CLCC1: variants seen among roughly 807,000 people sequenced by gnomAD.
CLCC1 encodes chloride channel CLIC like 1.
A neutral mutation model predicts 63.3 loss-of-function variants in CLCC1; 39 were observed. That is an observed-to-expected ratio of 0.62 (90% CI 0.48 to 0.81). The LOEUF (loss-of-function observed/expected upper bound fraction) is 0.81, where lower values mean the gene tolerates loss of function less well. CLCC1 is among the 30% of genes least tolerant of loss of function. The probability of loss-of-function intolerance (pLI) is 0.00; values close to 1 mark genes in which losing one functional copy is unlikely to be tolerated. For synonymous variants in CLCC1, 217 were observed against 239.8 expected (o/e 0.90, Z 0.88); for missense variants, 549 against 669.4 (o/e 0.82, Z 1.98).
At chr1:108,939,129 T>C (rs981322219) in intron 10 of CLCC1, among the ~76,000 whole-genome samples, 3 of 148,696 alleles carry the variant, frequency 2.0e-5, no homozygotes, top group African/African-American at 7.4e-5. Context: ...CTAACCAGTA[T>C]TACTAATATT....
chr1:108,941,277 G>T, intron 8 of CLCC1, 128 bp downstream of exon 8: 2 of 819,762 alleles, frequency 2.4e-6, no homozygotes, highest in Non-Finnish European at 3.9e-6. Context: ...AATGCTTCTT[G>T]CATGTTCTTC....
Position 108,929,875 on chromosome 1 carries a change from G to C in CLCC1, c.*2672C>G. The stretch of plus-strand genomic sequence containing the variant: ...CAGAGACACTGACTTTGGGCTAAAG[G>C]ACTTTTTGCAAAATAATGCTTTGTT... On this transcript the variant is annotated 3_prime_UTR_variant, in exon 13 of 13. Coordinates refer to ENST00000369969, the MANE Select transcript of CLCC1 (RefSeq NM_001377458.1). The C allele has an allele frequency of 6.2e-7, 1 of 1,613,750 alleles. No individual in the cohort carries two copies. The highest frequency in any genetic ancestry group is 8.5e-7 in the Non-Finnish European group (1 of 1,179,688).
In CLCC1 at chr1:108,949,885, G is replaced by T. The variant is rs1654978639; in HGVS notation, c.166C>A (p.Pro56Thr). The change falls in exon 4 of 13, where the codon CCT (proline) becomes ACT (threonine). Residue 56 changes from proline to threonine, a missense_variant. By Grantham distance (38) the Pro-to-Thr change is conservative. Transcript: ENST00000369969. Reference protein sequence around the residue: ...YGISGEKDVSPDLSCADEISE... With the variant: ...YGISGEKDVSTDLSCADEISE... ...ATTTCATCAGCACATGACAAGTCAGGACTGACATCCTTTTCCCCTGAAATA... is the reference window on the plus strand; with the variant it reads ...ATTTCATCAGCACATGACAAGTCAGTACTGACATCCTTTTCCCCTGAAATA... 1.2e-6 allele frequency: 2 copies of T among 1,602,260 alleles called. No homozygotes were observed. Among genetic ancestry groups the T allele is most frequent in the African/African-American group, 2.7e-5 (2 of 74,572 alleles).
chr1:108,937,190 T>C lies in CLCC1; in HGVS notation c.1270A>G (p.Arg424Gly), dbSNP rs768507868. The C allele has an allele frequency of 6.3e-7, 1 of 1,598,664 alleles. No homozygotes were observed. The highest frequency in any genetic ancestry group is 1.1e-5 in the South Asian group (1 of 88,982). The change falls in exon 11 of 13, where the codon AGA becomes GGA. Residue 424 changes from arginine to glycine, a missense_variant. By Grantham distance (125) the Arg-to-Gly change is moderately radical. Transcript: ENST00000369969. ...AATCTCAAGTCAACATCTCTCTCTC[T>C]CAAAATCTCTCTTCTACCCTCATAC... Reference protein sequence around the residue: ...KTYEGRREILRERDVDLRFQT... With the variant: ...KTYEGRREILGERDVDLRFQT...
intron 11 of CLCC1, 70 bp downstream of exon 11, chr1:108,937,007 T>A: frequency 8.8e-7 from 1 of 1,133,210 alleles, no homozygotes; most frequent in Non-Finnish European, 1.2e-6. Flanking sequence ...GTAAAAACAA[T>A]CAGACCTCTT....
At chr1:108,949,383 A>C (rs1654918933) in intron 4 of CLCC1, among the ~76,000 whole-genome samples, 1 of 152,226 alleles carries the variant, frequency 6.6e-6, no homozygotes, top group South Asian at 2.1e-4. Context: ...TAAATGAAGG[A>C]ATGAATAGCT....
intron 11 of CLCC1, among the ~76,000 whole-genome samples, chr1:108,936,480 C>T (rs1653020846): frequency 6.6e-6 from 1 of 152,220 alleles, no homozygotes; most frequent in Non-Finnish European, 1.5e-5. Flanking sequence ...CTATTATGCT[C>T]ATAACTGTTT....
rs754410928 is a variant in CLCC1, at chr1:108,934,939, T to C, written c.1387A>G (p.Lys463Glu). Residue 463 changes from lysine to glutamate, a missense_variant, in exon 12 of 13, where the codon AAA (lysine) becomes GAA (glutamate). Physicochemically the swap from Lys to Glu is moderately conservative, Grantham distance 56. Coordinates refer to ENST00000369969, the MANE Select transcript of CLCC1 (RefSeq NM_001377458.1). Reference sequence around the variant, plus strand: ...GGCTTTGTATCCAAAACAGGTGATTTATGCTATAAAGTACAAAATTACATT... The same window carrying C: ...GGCTTTGTATCCAAAACAGGTGATTCATGCTATAAAGTACAAAATTACATT... ...REHPTVVPSH[K>E]SPVLDTKPKE... 3 of 1,602,952 alleles carry C rather than the reference T, an allele frequency of 1.9e-6. No homozygotes were observed. Among genetic ancestry groups the C allele is most frequent in the Non-Finnish European group, 2.6e-6 (3 of 1,173,262 alleles).
rs990533610 is a variant in CLCC1 at position 108,943,887 on chromosome 1, C to T, written c.510G>A (p.Trp170Ter). 4.3e-6 allele frequency: 7 copies of T among 1,613,814 alleles called. No homozygotes were observed. The highest frequency in any genetic ancestry group is 5.9e-6 in the Non-Finnish European group (7 of 1,179,878). ...CAAAGGAATCTTCGAATCGCCACTTCCATGTTTCAAAATCATGAAACTTAA... is the reference window on the plus strand; with the variant it reads ...CAAAGGAATCTTCGAATCGCCACTTTCATGTTTCAAAATCATGAAACTTAA... ...INFKFHDFET[W>*]KWRFEDSFGV... Residue 170 changes from tryptophan to a stop codon, truncating the protein, a stop_gained, in exon 6 of 13, where the codon TGG becomes TGA. Transcript: ENST00000369969. LOFTEE classifies it high-confidence loss of function.
intron 5 of CLCC1, among the ~76,000 whole-genome samples, chr1:108,947,061 G>A (rs1043359014): frequency 2.0e-5 from 3 of 152,100 alleles, no homozygotes; most frequent in Non-Finnish European, 4.4e-5. Flanking sequence ...TACTCGGGAG[G>A]CTGAGTCAGG....
In CLCC1 at chr1:108,931,354, A is replaced by G; in HGVS notation, c.*1193T>C. Reference sequence around the variant, plus strand: ...ACAAGGGGATGATAACAAAGTAACTAACTAACTGTAGCAAAAGACAAGTAT... The same window carrying G: ...ACAAGGGGATGATAACAAAGTAACTGACTAACTGTAGCAAAAGACAAGTAT... On this transcript the variant is annotated 3_prime_UTR_variant, in exon 13 of 13. Transcript: ENST00000369969. The G allele has an allele frequency of 6.4e-7, 1 of 1,551,064 alleles. No individual in the cohort carries two copies. Among genetic ancestry groups the G allele is most frequent in the Admixed American group, 2.0e-5 (1 of 50,976 alleles).
At chr1:108,947,288 G>C (rs1286032878) in intron 5 of CLCC1, among the ~76,000 whole-genome samples, 1 of 152,162 alleles carries the variant, frequency 6.6e-6, no homozygotes, top group Non-Finnish European at 1.5e-5. Context: ...CATATACTGA[G>C]AGAAAACAAG....
At chr1:108,948,395 G>A (rs182527861) in intron 4 of CLCC1, among the ~76,000 whole-genome samples, 37 of 152,198 alleles carry the variant, frequency 2.4e-4, no homozygotes, top group African/African-American at 8.7e-4. Flanking sequence ...CAGGCAAGTC[G>A]CTGAGGGTAG....
chr1:108,960,510 A>G (rs566125149), intron 2 of CLCC1, among the ~76,000 whole-genome samples: 2 of 152,316 alleles, frequency 1.3e-5, no homozygotes, highest in East Asian at 3.9e-4. Flanking sequence ...GTGGTTAAGA[A>G]GTAGGTGACA....
chr1:108,941,647 TTAC>T (rs1390895033), intron 7 of CLCC1, 149 bp from the exon 8 acceptor site: 1 of 464,656 alleles, frequency 2.2e-6, no homozygotes, highest in African/African-American at 2.0e-5. Flanking sequence ...CATATTATTA[TTAC>T]TATTTTTTCT....
intron 2 of CLCC1, among the ~76,000 whole-genome samples, chr1:108,957,280 G>C (rs945886392): frequency 2.0e-5 from 3 of 151,374 alleles, no homozygotes; most frequent in Non-Finnish European, 2.9e-5. Flanking sequence ...GTGAAGTATG[G>C]CCACGTAATA....
At position 108,947,695 on chromosome 1, in the gene CLCC1, CTTT is replaced by C; in HGVS notation, c.252_254del (p.Lys85del). 3 of 1,609,148 alleles carry C rather than the reference CTTT, an allele frequency of 1.9e-6. No individual in the cohort carries two copies. Among genetic ancestry groups the C allele is most frequent in the Non-Finnish European group, 2.5e-6 (3 of 1,177,250 alleles). On this transcript the variant is annotated inframe_deletion, in exon 5 of 13. Coordinates refer to ENST00000369969, the MANE Select transcript of CLCC1 (RefSeq NM_001377458.1). ...TGCTTTGACTTTCATAGTCTTCCCT[CTTT>C]TTCTTTTCACACTCATCAATCTGTA...
intron 9 of CLCC1, 112 bp downstream of exon 9, chr1:108,939,933 A>AT: frequency 1.6e-6 from 2 of 1,277,812 alleles, no homozygotes. Flanking sequence ...GTGCAAAAGT[A>AT]TTTTTTCTTG....
In CLCC1 at chr1:108,940,150, G is replaced by A. The variant is rs369689028; in HGVS notation, c.797-8C>T. On this transcript the variant is annotated splice_polypyrimidine_tract_variant and splice_region_variant and intron_variant, in intron 8 of 12. Transcript: ENST00000369969. The stretch of plus-strand genomic sequence containing the variant: ...ATGAACTTCTAAACCATTCTGTTTA[G>A]AGAAACAGACAAAACACTGATCATT... The A allele has an allele frequency of 1.2e-3, 1,791 of 1,530,522 alleles. No homozygotes were observed. Among genetic ancestry groups the A allele is most frequent in the Non-Finnish European group, 1.5e-3 (1,714 of 1,109,494 alleles). 94.8% of individuals were successfully genotyped at this position (1,530,522 alleles called of 1,614,324 possible).
Sources: gnomAD v4.1 joint callset for allele counts (sites outside exome capture counted in the v4.1 genomes callset) on GRCh38, gnomAD v4.1.1 for gene constraint, MANE v1.5 for transcripts, NCBI Gene and HGNC (gene_info 2026-07-23, HGNC 2026-07-21) for gene names.